The following CERS6 variants were observed in gnomAD, a reference collection of about 807,000 sequenced individuals.
CERS6 encodes the protein ceramide synthase 6, also known as LAG1 homolog, ceramide synthase 6.
Under a neutral mutation model 56.8 loss-of-function variants are expected in CERS6, and 26 were observed. The observed-to-expected ratio is 0.46, with a 90% CI of 0.34 to 0.63. The LOEUF (loss-of-function observed/expected upper bound fraction) is 0.63. Among genes scored for constraint, CERS6 ranks in the 30% least tolerant of loss-of-function variants. The pLI, the probability that CERS6 is intolerant of heterozygous loss-of-function variation, is 0.01. For synonymous variants in CERS6, 164 were observed against 173.3 expected, an observed-to-expected ratio of 0.95 and a Z score of 0.42; for missense variants, 415 against 467.5, an observed-to-expected ratio of 0.89 and a Z score of 1.04.
At chr2:168,683,688 TC>T (rs2105353109) in intron 4 of CERS6, among the ~76,000 whole-genome samples, 1 of 152,274 alleles carries the variant, frequency 6.6e-6, no homozygotes, top group South Asian at 2.1e-4. Flanking sequence ...TCTCCCTAAT[TC>T]CTGTTCTAAA....
intron 3 of CERS6, among the ~76,000 whole-genome samples, chr2:168,627,177 A>T (rs1256948242): frequency 6.6e-6 from 1 of 152,166 alleles, no homozygotes; most frequent in African/African-American, 2.4e-5. Flanking sequence ...GTTTTCATTA[A>T]TCTAAGAATT....
chr2:168,666,933 A>C (rs568027390), intron 4 of CERS6, among the ~76,000 whole-genome samples: 4 of 152,202 alleles, frequency 2.6e-5, no homozygotes, highest in Non-Finnish European at 5.9e-5. Context: ...TTAATAATGC[A>C]TATCTTGTGT....
chr2:168,506,059 C>T (rs2105347818), intron 1 of CERS6, among the ~76,000 whole-genome samples: 1 of 152,284 alleles, frequency 6.6e-6, no homozygotes, highest in Non-Finnish European at 1.5e-5. Context: ...ATATCTTTCT[C>T]CTTTTCTATT....
chr2:168,720,354 G>C (rs1687331121), intron 8 of CERS6, among the ~76,000 whole-genome samples: 1 of 152,092 alleles, frequency 6.6e-6, no homozygotes, highest in South Asian at 2.1e-4. Context: ...TCTAGATTTA[G>C]TTTAACTACA....
chr2:168,482,713 T>G (rs1289886689), intron 1 of CERS6, among the ~76,000 whole-genome samples: 1 of 152,240 alleles, frequency 6.6e-6, no homozygotes, highest in Admixed American at 6.5e-5. Context: ...CTGAAGGCAG[T>G]TTTTCAGTTT....
intron 1 of CERS6, among the ~76,000 whole-genome samples, chr2:168,520,943 TG>T (rs1236225695): frequency 2.0e-5 from 3 of 152,138 alleles, no homozygotes; most frequent in Non-Finnish European, 4.4e-5. Flanking sequence ...AAATAAATTT[TG>T]GAAAGACTTC....
At position 168,771,752 on chromosome 2, in the gene CERS6, C is replaced by T. The variant is rs959616607; in HGVS notation, c.*2090C>T. 1.3e-5 allele frequency: 2 copies of T among 152,062 alleles called. No homozygotes were observed. Among genetic ancestry groups the T allele is most frequent in the East Asian group, 3.8e-4 (2 of 5,196 alleles). 9.4% of individuals were successfully genotyped at this position (152,062 alleles called of 1,614,324 possible). On this transcript the variant is annotated 3_prime_UTR_variant, in exon 10 of 10. Transcript: ENST00000305747. ...GTTCAGGTTTAGATCATATGACACT[C>T]GAGCACAGAAGAATAATTTCAAGGA...
At chr2:168,536,750 G>A (rs947398550) in intron 1 of CERS6, among the ~76,000 whole-genome samples, 1 of 152,108 alleles carries the variant, frequency 6.6e-6, no homozygotes, top group African/African-American at 2.4e-5. Context: ...TATAAAGAAA[G>A]ATCTGGTAGC....
intron 6 of CERS6, among the ~76,000 whole-genome samples, chr2:168,710,467 C>T (rs1452151444): frequency 5.9e-5 from 9 of 152,094 alleles, no homozygotes; most frequent in Non-Finnish European, 1.3e-4. Flanking sequence ...CAGTGAATTT[C>T]TGAATTAAGC....
chr2:168,654,912 A>G (rs963883928), intron 4 of CERS6, among the ~76,000 whole-genome samples: 3 of 152,218 alleles, frequency 2.0e-5, no homozygotes, highest in African/African-American at 4.8e-5. Context: ...TCTCTTCTTT[A>G]TACATCTCAT....
At chr2:168,698,236 GAAA>G (rs1214508784) in intron 6 of CERS6, among the ~76,000 whole-genome samples, 2,654 of 124,896 alleles carry the variant, frequency 0.021, 72 homozygotes, top group African/African-American at 0.088. Flanking sequence ...TGTCTCACAG[GAAA>G]AAAAAAAAAA....
At chr2:168,626,385 A>G (rs899535180) in intron 3 of CERS6, among the ~76,000 whole-genome samples, 5 of 152,118 alleles carry the variant, frequency 3.3e-5, no homozygotes, top group Admixed American at 6.6e-5. Context: ...TGTAGTTTAC[A>G]ATCCCTTGCC....
chr2:168,509,363 C>A (rs1694738271), intron 1 of CERS6, among the ~76,000 whole-genome samples: 1 of 152,178 alleles, frequency 6.6e-6, no homozygotes, highest in Non-Finnish European at 1.5e-5. Context: ...ATTAAGACAA[C>A]CAGTTTCATT....
At chr2:168,681,930 C>G (rs1686227838) in intron 4 of CERS6, among the ~76,000 whole-genome samples, 1 of 152,190 alleles carries the variant, frequency 6.6e-6, no homozygotes, top group Admixed American at 6.5e-5. Flanking sequence ...AAAGTAATAT[C>G]CTCCAAACTC....
At chr2:168,483,948 T>A (rs1356843177) in intron 1 of CERS6, among the ~76,000 whole-genome samples, 1 of 152,116 alleles carries the variant, frequency 6.6e-6, no homozygotes, top group Non-Finnish European at 1.5e-5. Context: ...ACAAGTTCCC[T>A]GGTTATGCTG....
chr2:168,620,014 TACACACACACACACACACAC>T (rs1160024194), intron 3 of CERS6, among the ~76,000 whole-genome samples: 1 of 61,208 alleles, frequency 1.6e-5, no homozygotes, highest in African/African-American at 4.3e-5. Flanking sequence ...CCACAATCCA[TACACACACACACACACACAC>T]ACACACACAC....
intron 1 of CERS6, among the ~76,000 whole-genome samples, chr2:168,461,147 A>G (rs1025606363): frequency 2.0e-5 from 3 of 152,082 alleles, no homozygotes; most frequent in African/African-American, 7.2e-5. Flanking sequence ...TAATGAAGAG[A>G]CTGATCTGAT....
chr2:168,591,596 G>A (rs1823811), intron 3 of CERS6, among the ~76,000 whole-genome samples: 121,859 of 152,168 alleles, frequency 0.8, 49,647 homozygotes, highest in East Asian at 1. Context: ...AAGAAAATGT[G>A]TTGTTTTTCA....
chr2:168,744,409 GC>G (rs1039197996), intron 8 of CERS6, among the ~76,000 whole-genome samples: 1 of 151,736 alleles, frequency 6.6e-6, no homozygotes, highest in Admixed American at 6.6e-5. Context: ...CGAACACACT[GC>G]CCCCATTTTG....
Sources: gnomAD v4.1 joint callset for allele counts (sites outside exome capture counted in the v4.1 genomes callset) on GRCh38, gnomAD v4.1.1 for gene constraint, MANE v1.5 for transcripts, NCBI Gene and HGNC (gene_info 2026-07-23, HGNC 2026-07-21) for gene names.